TIMP2: variants seen among roughly 807,000 people sequenced by gnomAD.
TIMP2 encodes metalloproteinase inhibitor 2.
Under a neutral mutation model 24.3 loss-of-function variants are expected in TIMP2, and 5 were observed. The observed-to-expected ratio is 0.21, with a 90% confidence interval of 0.11 to 0.43. The LOEUF (loss-of-function observed/expected upper bound fraction) is 0.43, where lower values mean the gene tolerates loss of function less well. TIMP2 is among the 20% of genes least tolerant of loss of function. The pLI is 1.00. For synonymous variants in TIMP2, 130 were observed against 123.2 expected (o/e 1.06, Z -0.37); for missense variants, 221 against 297.5 (o/e 0.74, Z 1.89).
rs1568000168 is a variant in TIMP2 at position 78,891,959 on chromosome 17, TC to T, written c.131-18041del. Reference sequence around the variant, plus strand: ...CCTGGGGTGTTGCTGGCCCAACTCTTCCCTGCAACTCCTCTCTTCACTAAGG... The same window carrying T: ...CCTGGGGTGTTGCTGGCCCAACTCTTCCTGCAACTCCTCTCTTCACTAAGG... On this transcript the variant is annotated intron_variant, in intron 1 of 4. Transcript: ENST00000262768. The surrounding 1 kb of genome is among the most constrained non-coding windows in gnomAD (Gnocchi z 4.5). The T allele has an allele frequency of 6.4e-7, 1 of 1,550,500 alleles. No homozygotes were observed. Among genetic ancestry groups the T allele is most frequent in the Middle Eastern group, 1.7e-4 (1 of 5,992 alleles).
chr17:78,869,186 T>C (rs919534825), intron 3 of TIMP2, among the ~76,000 whole-genome samples: 2 of 152,180 alleles, frequency 1.3e-5, no homozygotes, highest in Non-Finnish European at 2.9e-5. Flanking sequence ...TTTGGGAGGC[T>C]GAGGCAGGAG....
At chr17:78,886,865 T>C (rs2069829600) in intron 1 of TIMP2, among the ~76,000 whole-genome samples, 1 of 151,954 alleles carries the variant, frequency 6.6e-6, no homozygotes, top group African/African-American at 2.4e-5. Flanking sequence ...GCTGGAACTA[T>C]AGGTGCACGC....
intron 1 of TIMP2, chr17:78,890,982 C>A: frequency 6.4e-7 from 1 of 1,551,254 alleles, no homozygotes; most frequent in South Asian, 1.2e-5. Flanking sequence ...TGCTCCATCT[C>A]TGCTTTCTGC....
intron 1 of TIMP2, among the ~76,000 whole-genome samples, chr17:78,889,901 C>T (rs546135822): frequency 2.6e-5 from 4 of 152,268 alleles, no homozygotes; most frequent in African/African-American, 7.2e-5. Flanking sequence ...AGGCGGATCA[C>T]GAGATCAGGA....
At chr17:78,893,479 GTGTGTGCA>G in intron 1 of TIMP2, among the ~76,000 whole-genome samples, 3 of 151,304 alleles carry the variant, frequency 2.0e-5, no homozygotes, top group African/African-American at 7.3e-5. Context: ...GCATAGCGGT[GTGTGTGCA>G]GGGGTGTGTG....
At chr17:78,864,707 G>A (rs915698198) in intron 3 of TIMP2, among the ~76,000 whole-genome samples, 5 of 152,106 alleles carry the variant, frequency 3.3e-5, no homozygotes, top group Non-Finnish European at 7.4e-5. Context: ...ATTCAACTTA[G>A]AAGAGTATTA....
At chr17:78,916,371 G>A (rs1041989250) in intron 1 of TIMP2, among the ~76,000 whole-genome samples, 5 of 152,146 alleles carry the variant, frequency 3.3e-5, no homozygotes, top group African/African-American at 1.2e-4. Flanking sequence ...CCAAGGCCCC[G>A]TTACACAATT....
chr17:78,870,219 C>G (rs1414520679), intron 3 of TIMP2, among the ~76,000 whole-genome samples: 1 of 152,118 alleles, frequency 6.6e-6, no homozygotes, highest in African/African-American at 2.4e-5. Context: ...AGTTCGAGAC[C>G]AGCCTGACCA....
chr17:78,923,402 G>GGT (rs2070323602), intron 1 of TIMP2, among the ~76,000 whole-genome samples: 2 of 135,904 alleles, frequency 1.5e-5, no homozygotes, highest in Non-Finnish European at 3.2e-5. Context: ...GGGGTGGGGG[G>GGT]GGGGGCGGGA....
chr17:78,900,915 A>T (rs1053960327), intron 1 of TIMP2: 1 of 152,308 alleles, frequency 6.6e-6, no homozygotes, highest in African/African-American at 2.4e-5. Flanking sequence ...CTGAGTGAAC[A>T]GAAACGCCTC....
At chr17:78,884,284 G>A (rs943031004) in intron 1 of TIMP2, among the ~76,000 whole-genome samples, 1 of 152,228 alleles carries the variant, frequency 6.6e-6, no homozygotes, top group Non-Finnish European at 1.5e-5. Context: ...TTGCTGGGGG[G>A]CTGCGACAGC....
chr17:78,883,218 A>G (rs953279460), intron 1 of TIMP2, among the ~76,000 whole-genome samples: 2 of 152,200 alleles, frequency 1.3e-5, no homozygotes, highest in Non-Finnish European at 2.9e-5. Context: ...ATAGGAGCAC[A>G]CTGGACATCC....
rs1211123516 is a variant in TIMP2 at position 78,924,525 on chromosome 17, A to C, written c.130+434T>G. On this transcript the variant is annotated intron_variant, in intron 1 of 4. Coordinates refer to ENST00000262768, the MANE Select transcript of TIMP2 (RefSeq NM_003255.5). This position sits in a 1 kb window ranked among gnomAD's most constrained non-coding sequence, Gnocchi z 5.3. ...CCAGCAGAGAAGCCCTTCCCCACCC[A>C]GCCCCAAGCCCAGAGAAGCCCAACT... 6.7e-6 allele frequency among the ~76,000 whole-genome samples: 1 copy of C among 149,750 alleles called. No homozygotes were observed. Among genetic ancestry groups the C allele is most frequent in the Non-Finnish European group, 1.5e-5 (1 of 67,422 alleles).
At chr17:78,901,606 T>C (rs186150122) in intron 1 of TIMP2, among the ~76,000 whole-genome samples, 324 of 152,204 alleles carry the variant, frequency 2.1e-3, no homozygotes, top group African/African-American at 7.5e-3. Context: ...AAGTCTAGAA[T>C]GGCAGAGTAT....
At position 78,853,881 on chromosome 17, in the gene TIMP2, T is replaced by C. The variant is rs1599142067; in HGVS notation, c.*1786A>G. The C allele has an allele frequency of 6.6e-6, 1 of 151,936 alleles. No individual in the cohort carries two copies. The highest frequency in any genetic ancestry group is 1.9e-4 in the East Asian group (1 of 5,170). 9.4% of individuals were successfully genotyped at this position (151,936 alleles called of 1,614,324 possible). On this transcript the variant is annotated 3_prime_UTR_variant, in exon 5 of 5. Transcript: ENST00000262768. The stretch of plus-strand genomic sequence containing the variant: ...TGGGGTGTTATATGGGTTGGAGGGG[T>C]CTGGTGGAGTTGTATATACTGAAAT...
chr17:78,857,783 T>A, intron 3 of TIMP2, 137 bp from the exon 4 acceptor site: 1 of 1,225,940 alleles, frequency 8.2e-7, no homozygotes, highest in African/African-American at 1.5e-5. Flanking sequence ...TAAAACACAG[T>A]GGGTGGCCAG....
rs577541229 is a variant in TIMP2, at chr17:78,918,751, C to A, written c.130+6208G>T. 2.0e-5 allele frequency among the ~76,000 whole-genome samples: 3 copies of A among 152,268 alleles called. No homozygotes were observed. In the South Asian group the frequency reaches 6.2e-4, roughly 32 times the overall value. ...CCGTGGCTCACATCTGTAATCCCAG[C>A]ACTTTGGGAGGCCAAGGTGGGCAGA... On this transcript the variant is annotated intron_variant, in intron 1 of 4. Coordinates refer to ENST00000262768, the MANE Select transcript of TIMP2 (RefSeq NM_003255.5).
intron 1 of TIMP2, among the ~76,000 whole-genome samples, chr17:78,883,372 G>A (rs1599155098): frequency 6.6e-6 from 1 of 152,356 alleles, no homozygotes; most frequent in South Asian, 2.1e-4. Context: ...CCCTGGTGCA[G>A]GGCGGGACCG....
chr17:78,919,030 T>C (rs923486255), intron 1 of TIMP2, among the ~76,000 whole-genome samples: 2 of 151,960 alleles, frequency 1.3e-5, no homozygotes, highest in African/African-American at 4.8e-5. Context: ...ATCCATATGC[T>C]AACTATTCAT....
Sources: allele counts gnomAD v4.1 joint callset (sites outside exome capture counted in the v4.1 genomes callset), GRCh38; gene constraint gnomAD v4.1.1; non-coding constraint Gnocchi (gnomAD v3.1); transcripts MANE v1.5; gene names NCBI Gene and HGNC (gene_info 2026-07-23, HGNC 2026-07-21).